The following RIMBP2 variants were observed in gnomAD, a reference collection of about 807,000 sequenced individuals.
The protein encoded by RIMBP2 is RIMS binding protein 2.
RIMBP2 carries 48 observed loss-of-function variants against 118.6 expected under a neutral mutation model. The observed-to-expected ratio is 0.40, with a 90% CI of 0.32 to 0.51. The LOEUF (loss-of-function observed/expected upper bound fraction) is 0.51, where lower values mean the gene tolerates loss of function less well. RIMBP2 is among the 20% of genes least tolerant of loss of function. The pLI, the probability that RIMBP2 is intolerant of heterozygous loss-of-function variation, is 0.41. For synonymous variants in RIMBP2, 762 were observed against 742.9 expected, an observed-to-expected ratio of 1.03 and a Z score of -0.42; for missense variants, 1,551 against 1,768.3, an observed-to-expected ratio of 0.88 and a Z score of 2.20.
rs1459799101 is a variant in RIMBP2, at chr12:130,710,284, C to A, written c.-352+5938G>T. 6.6e-6 allele frequency among the ~76,000 whole-genome samples: 1 copy of A among 152,162 alleles called. No homozygotes were observed. The highest frequency in any genetic ancestry group is 1.5e-5 in the Non-Finnish European group (1 of 68,032). On this transcript the variant is annotated intron_variant, in intron 1 of 22. Coordinates refer to ENST00000690449, the MANE Select transcript of RIMBP2 (RefSeq NM_001393629.1). This position sits in a 1 kb window ranked among gnomAD's most constrained non-coding sequence, Gnocchi z 4.3. ...GGGTCCTGTCTCAGCTTCAACGCCACCTCCTCCCTGAGACCCTCCCAGATC... is the reference window on the plus strand; with the variant it reads ...GGGTCCTGTCTCAGCTTCAACGCCAACTCCTCCCTGAGACCCTCCCAGATC...
In RIMBP2 at chr12:130,620,606, C is replaced by T. The variant is rs751580591; in HGVS notation, c.-217+7716G>A. Among the ~76,000 whole-genome samples the T allele has an allele frequency of 2.2e-4, 33 of 152,262 alleles. No individual in the cohort carries two copies. Among genetic ancestry groups the T allele is most frequent in the African/African-American group, 3.1e-4 (13 of 41,560 alleles). On this transcript the variant is annotated intron_variant, in intron 2 of 22. Coordinates refer to ENST00000690449, the MANE Select transcript of RIMBP2 (RefSeq NM_001393629.1). The surrounding 1 kb of genome is among the most constrained non-coding windows in gnomAD (Gnocchi z 5.3). ...CCTCAGGTCACAGGCAGGCTCTGCC[C>T]GTGCCTGTCCCCGGCTTCTGTGGTG...
chr12:130,407,642 C>T (rs1421507425), intron 20 of RIMBP2, 84 bp downstream of exon 20: 3 of 1,044,946 alleles, frequency 2.9e-6, no homozygotes, highest in Admixed American at 3.4e-5. Flanking sequence ...AGGAGGTGAA[C>T]ACACGTGGCC....
rs561943828 is a variant in RIMBP2, at chr12:130,460,195, G to C, written c.154-3495C>G. ...AGGCCTGGGTGTTCATCAGGGCCGG[G>C]TTCCCTCTCCCACGGGGAACCCTCA... On this transcript the variant is annotated intron_variant, in intron 6 of 22. Coordinates refer to ENST00000690449, the MANE Select transcript of RIMBP2 (RefSeq NM_001393629.1). 2.0e-5 allele frequency among the ~76,000 whole-genome samples: 3 copies of C among 152,270 alleles called. No individual in the cohort carries two copies. The East Asian group carries it at 5.8e-4, about 30-fold the overall frequency.
intron 9 of RIMBP2, among the ~76,000 whole-genome samples, chr12:130,449,549 T>A (rs1364600553): frequency 6.6e-6 from 1 of 150,934 alleles, no homozygotes; most frequent in Non-Finnish European, 1.5e-5. Flanking sequence ...CCCCTTTCAC[T>A]CTCGGTGGTG....
At chr12:130,669,410 T>A (rs2064099177) in intron 1 of RIMBP2, among the ~76,000 whole-genome samples, 1 of 152,012 alleles carries the variant, frequency 6.6e-6, no homozygotes, top group Admixed American at 6.6e-5. Context: ...ATCCCCATAA[T>A]CCCCACGTGT....
intron 4 of RIMBP2, among the ~76,000 whole-genome samples, chr12:130,498,813 T>C (rs1002013732): frequency 1.3e-5 from 2 of 152,124 alleles, no homozygotes; most frequent in Non-Finnish European, 2.9e-5. Context: ...CATCTGAGCG[T>C]AACTACCCAA....
In RIMBP2 at chr12:130,673,540, GGAA is replaced by G. The variant is rs1198632091; in HGVS notation, c.-352+42679_-352+42681del. ...CAGCCCAGAGGCCCACGGAGCTTTGGGAAGAAGGCCAGGTGGGCGTGCCACTTG... is the reference window on the plus strand; with the variant it reads ...CAGCCCAGAGGCCCACGGAGCTTTGGGAAGGCCAGGTGGGCGTGCCACTTG... On this transcript the variant is annotated intron_variant, in intron 1 of 22. Transcript: ENST00000690449. Among the ~76,000 whole-genome samples, 4 of 152,302 alleles carry G rather than the reference GGAA, an allele frequency of 2.6e-5. No homozygotes were observed. In the East Asian group the frequency reaches 7.7e-4, roughly 29 times the overall value.
chr12:130,421,227 T>TC (rs539224614), intron 17 of RIMBP2, among the ~76,000 whole-genome samples: 67 of 152,336 alleles, frequency 4.4e-4, no homozygotes, highest in African/African-American at 1.3e-3. Context: ...AGGTTTAGAA[T>TC]ACCCGAAAGG....
At chr12:130,555,356 A>C (rs11060995) in intron 2 of RIMBP2, among the ~76,000 whole-genome samples, 17,977 of 152,278 alleles carry the variant, frequency 0.12, 1,344 homozygotes, top group Non-Finnish European at 0.18. Context: ...CTATGGCAGC[A>C]GTTAGTCAAA....
chr12:130,576,136 G>A lies in RIMBP2; in HGVS notation c.-217+52186C>T, dbSNP rs1360011425. Among the ~76,000 whole-genome samples the A allele has an allele frequency of 6.6e-6, 1 of 152,072 alleles. No individual in the cohort carries two copies. Among genetic ancestry groups the A allele is most frequent in the African/African-American group, 2.4e-5 (1 of 41,392 alleles). On this transcript the variant is annotated intron_variant, in intron 2 of 22. Transcript: ENST00000690449. This position sits in a 1 kb window ranked among gnomAD's most constrained non-coding sequence, Gnocchi z 4.2. The stretch of plus-strand genomic sequence containing the variant: ...GCAAAGGGGCTGCGGACAGGTGAGG[G>A]GGAGGAGGGGGCTGCAGATCGTACC...
intron 2 of RIMBP2, among the ~76,000 whole-genome samples, chr12:130,615,805 AC>A (rs772405568): frequency 3.6e-4 from 55 of 152,054 alleles, no homozygotes; most frequent in Non-Finnish European, 6.8e-4. Flanking sequence ...TTTAAACAGC[AC>A]CATTTTTCAT....
chr12:130,494,866 CT>C (rs1315167846), intron 4 of RIMBP2, among the ~76,000 whole-genome samples: 1 of 152,186 alleles, frequency 6.6e-6, no homozygotes, highest in Non-Finnish European at 1.5e-5. Flanking sequence ...GGAAAGTGTC[CT>C]CTCACAGCCC....
chr12:130,611,944 G>A (rs2060581770), intron 2 of RIMBP2, among the ~76,000 whole-genome samples: 1 of 152,212 alleles, frequency 6.6e-6, no homozygotes, highest in African/African-American at 2.4e-5. Context: ...TTGGCTGCAG[G>A]ATTGATACCC....
At chr12:130,406,133 A>G in intron 21 of RIMBP2, 39 bp downstream of exon 21, 1 of 1,275,228 alleles carries the variant, frequency 7.8e-7, no homozygotes. Flanking sequence ...ATGAAAATAC[A>G]AAAATCAAAT....
At chr12:130,510,551 C>T (rs1365185158) in intron 3 of RIMBP2, among the ~76,000 whole-genome samples, 1 of 152,122 alleles carries the variant, frequency 6.6e-6, no homozygotes, top group African/African-American at 2.4e-5. Context: ...TCACTGCAAC[C>T]TCCACCTCCT....
rs1363980762 is a variant in RIMBP2 at position 130,431,439 on chromosome 12, A to G, written c.2254-3102T>C. 2.4e-6 allele frequency: 1 copy of G among 418,028 alleles called. No individual in the cohort carries two copies. The highest frequency in any genetic ancestry group is 4.9e-6 in the Non-Finnish European group (1 of 203,204). The allele number at this position is 418,028 out of a possible 1,614,324, so 25.9% of individuals were successfully genotyped here. On this transcript the variant is annotated intron_variant, in intron 14 of 22. Transcript: ENST00000690449. This position sits in a 1 kb window ranked among gnomAD's most constrained non-coding sequence, Gnocchi z 4.0. ...CACTGTCATGATGCGTCACCTAGCC[A>G]GACGCCATCTGTATGATTAATGAAT...
chr12:130,658,635 G>A (rs78819405), intron 1 of RIMBP2: 31,167 of 152,130 alleles, frequency 0.2, 3,543 homozygotes, highest in East Asian at 0.3. Flanking sequence ...GGCAAGCGCG[G>A]TAGCTGCAGC....
chr12:130,618,559 GT>G (rs1435197955), intron 2 of RIMBP2, among the ~76,000 whole-genome samples: 2 of 146,930 alleles, frequency 1.4e-5, no homozygotes, highest in African/African-American at 5.2e-5. Context: ...CCAGGGGCTA[GT>G]GTATTTGCCC....
intron 2 of RIMBP2, among the ~76,000 whole-genome samples, chr12:130,559,708 T>A (rs542609460): frequency 1.3e-5 from 2 of 152,150 alleles, no homozygotes; most frequent in African/African-American, 4.8e-5. Flanking sequence ...GTTCTTTAAC[T>A]CCCTGGAGCT....
Sources: gnomAD v4.1 joint callset for allele counts (sites outside exome capture counted in the v4.1 genomes callset) on GRCh38, gnomAD v4.1.1 for gene constraint, Gnocchi (gnomAD v3.1) non-coding constraint, MANE v1.5 for transcripts, NCBI Gene and HGNC (gene_info 2026-07-23, HGNC 2026-07-21) for gene names.